Variants in NEK1 observed in about 807,000 individuals in gnomAD.
NEK1 encodes NIMA related kinase 1.
In NEK1, 137 loss-of-function variants were observed where a neutral mutation model predicts 182.1. The ratio of observed to expected loss-of-function variants is 0.75; its 90% CI spans 0.65 to 0.87. NEK1 has a LOEUF of 0.87. NEK1 is among the 40% of genes least tolerant of loss of function. The probability of loss-of-function intolerance (pLI) is 0.00; values close to 1 mark genes in which losing one functional copy is unlikely to be tolerated. For missense variants in NEK1, 1,391 were observed against 1,494.4 expected, an observed-to-expected ratio of 0.93 and a Z score of 1.14; for synonymous variants, 513 against 492.2, an observed-to-expected ratio of 1.04 and a Z score of -0.56.
At chr4:169,525,856 T>A (rs1458844449) in intron 19 of NEK1, among the ~76,000 whole-genome samples, 1 of 152,198 alleles carries the variant, frequency 6.6e-6, no homozygotes, top group Non-Finnish European at 1.5e-5. Context: ...AAAAGCATAA[T>A]CTTGAGAGTC....
chr4:169,495,304 C>T (rs1228410974), intron 23 of NEK1, among the ~76,000 whole-genome samples: 4 of 138,362 alleles, frequency 2.9e-5, no homozygotes, highest in African/African-American at 1.1e-4. Flanking sequence ...AGTGCAGTGG[C>T]GCGATCTCGA....
chr4:169,597,047 A>AAATATCAATGTGCTTTATAAGGG, intron 5 of NEK1, among the ~76,000 whole-genome samples: 1 of 152,216 alleles, frequency 6.6e-6, no homozygotes, highest in African/African-American at 2.4e-5. Flanking sequence ...CAAATCTATA[A>AAATATCAATGTGCTTTATAAGGG]AATATCAATG....
rs141418441 is a variant in NEK1 at position 169,475,980 on chromosome 4, C to T, written c.2434+1144G>A. 9.9e-5 allele frequency among the ~76,000 whole-genome samples: 15 copies of T among 152,110 alleles called. 1 individual carries two copies. In the East Asian group the frequency reaches 2.5e-3, roughly 25 times the overall value. On this transcript the variant is annotated intron_variant, in intron 26 of 35. Coordinates refer to ENST00000507142, the MANE Select transcript of NEK1 (RefSeq NM_001199397.3). ...ATGAGACAGAAAGTAAAACTGGAGTCCCTAAAGGACAGAAGAAGGAGGAGG... is the reference window on the plus strand; with the variant it reads ...ATGAGACAGAAAGTAAAACTGGAGTTCCTAAAGGACAGAAGAAGGAGGAGG...
chr4:169,572,022 G>A (rs747315862), intron 12 of NEK1, among the ~76,000 whole-genome samples: 4 of 151,798 alleles, frequency 2.6e-5, no homozygotes, highest in Non-Finnish European at 5.9e-5. Flanking sequence ...GGGATTACAG[G>A]CAGGAGCCAC....
At chr4:169,558,120 T>C (rs1762407430) in intron 16 of NEK1, among the ~76,000 whole-genome samples, 1 of 152,196 alleles carries the variant, frequency 6.6e-6, no homozygotes, top group Non-Finnish European at 1.5e-5. Context: ...TCATATTTCC[T>C]ATGAAACTGG....
At chr4:169,540,509 G>A (rs916641572) in intron 18 of NEK1, among the ~76,000 whole-genome samples, 2 of 152,074 alleles carry the variant, frequency 1.3e-5, no homozygotes, top group Non-Finnish European at 2.9e-5. Context: ...TATAAAGTAC[G>A]CTTGTGCTGG....
At chr4:169,505,915 T>C (rs1410497586) in intron 23 of NEK1, among the ~76,000 whole-genome samples, 2 of 151,968 alleles carry the variant, frequency 1.3e-5, no homozygotes, top group East Asian at 1.9e-4. Context: ...TTATAAGAAA[T>C]ACAACAGATA....
At chr4:169,548,401 G>A (rs896517781) in intron 18 of NEK1, among the ~76,000 whole-genome samples, 9 of 152,142 alleles carry the variant, frequency 5.9e-5, no homozygotes, top group Admixed American at 2.6e-4. Context: ...GGAGTCTGTC[G>A]GCCCCTACTG....
At chr4:169,490,771 T>G (rs902293203) in intron 23 of NEK1, among the ~76,000 whole-genome samples, 1 of 151,306 alleles carries the variant, frequency 6.6e-6, no homozygotes, top group Non-Finnish European at 1.5e-5. Flanking sequence ...GTTGCCCAGA[T>G]AGAGAAAAAG....
chr4:169,527,047 A>G (rs1171267878), intron 19 of NEK1, among the ~76,000 whole-genome samples: 2 of 152,198 alleles, frequency 1.3e-5, no homozygotes, highest in Non-Finnish European at 2.9e-5. Flanking sequence ...AAAGACAAAG[A>G]AAAAATACTG....
Position 169,557,322 on chromosome 4 carries a change from A to T in NEK1, c.1267-1227T>A, listed in dbSNP as rs77971156. Among the ~76,000 whole-genome samples the T allele has an allele frequency of 9.1e-3, 1,388 of 152,314 alleles. 25 individuals carry two copies. The highest frequency in any genetic ancestry group is 0.031 in the African/African-American group (1,306 of 41,556). ...CACCGAGACATAAGAACTCAACCAC[A>T]TGGAAAACTCATAGTAAAAAATAGA... On this transcript the variant is annotated intron_variant, in intron 16 of 35. Coordinates refer to ENST00000507142, the MANE Select transcript of NEK1 (RefSeq NM_001199397.3).
Position 169,426,207 on chromosome 4 carries a change from T to C in NEK1, c.2913A>G (p.Glu971=), listed in dbSNP as rs199831010. 4 of 1,613,656 alleles carry C rather than the reference T, an allele frequency of 2.5e-6. No homozygotes were observed. Among genetic ancestry groups the C allele is most frequent in the Non-Finnish European group, 3.4e-6 (4 of 1,179,766 alleles). The change falls in exon 30 of 36, where the codon GAA becomes GAG. Residue 971 remains glutamate, a synonymous_variant. Transcript: ENST00000507142. The part of the protein sequence containing the change: ...TQSADRITIQ[E]NEVSEDGVSS... Reference sequence around the variant, plus strand: ...AGACTCCATCTTCAGAAACTTCATTTTCCTGAATGGTGATCCTATCTGCCG... The same window carrying C: ...AGACTCCATCTTCAGAAACTTCATTCTCCTGAATGGTGATCCTATCTGCCG...
Position 169,508,247 on chromosome 4 carries a change from C to A in NEK1, c.1833+1G>T, listed in dbSNP as rs1296322530. The A allele has an allele frequency of 6.3e-7, 1 of 1,584,386 alleles. No homozygotes were observed. Among genetic ancestry groups the A allele is most frequent in the Non-Finnish European group, 8.6e-7 (1 of 1,166,996 alleles). On this transcript the variant is annotated splice_donor_variant, in intron 21 of 35. Transcript: ENST00000507142. LOFTEE classifies it high-confidence loss of function. ...TTCAAAAAAATAGCTTTTCAACCTA[C>A]CTTTTCACCACGAAGTTTGGCTTTA...
intron 23 of NEK1, among the ~76,000 whole-genome samples, chr4:169,491,162 A>AAG (rs1554047306): frequency 2.8e-4 from 34 of 122,908 alleles, no homozygotes; most frequent in African/African-American, 1.1e-3. Context: ...AAAAAAAAAA[A>AAG]AGAGAGATGG....
intron 19 of NEK1, among the ~76,000 whole-genome samples, chr4:169,536,468 C>T (rs1200433026): frequency 7.9e-6 from 1 of 126,434 alleles, no homozygotes; most frequent in African/African-American, 3.4e-5. Flanking sequence ...AAAGTTTCAA[C>T]TATAATACAA....
chr4:169,512,657 G>C (rs1754381077), intron 19 of NEK1, among the ~76,000 whole-genome samples: 1 of 151,694 alleles, frequency 6.6e-6, no homozygotes, highest in Non-Finnish European at 1.5e-5. Context: ...TTATACTCTT[G>C]GTGTCAAGTC....
chr4:169,508,664 C>CA (rs1203819728), intron 20 of NEK1, 105 bp downstream of exon 20: 1 of 907,298 alleles, frequency 1.1e-6, no homozygotes, highest in African/African-American at 1.7e-5. Context: ...TACAGACCTA[C>CA]AAAATCTTCA....
chr4:169,532,900 A>G (rs1463153808), intron 19 of NEK1, among the ~76,000 whole-genome samples: 1 of 151,846 alleles, frequency 6.6e-6, no homozygotes, highest in Non-Finnish European at 1.5e-5. Context: ...CCAGTCAGGG[A>G]GTGAGTGAGT....
At chr4:169,524,388 G>A (rs1288754303) in intron 19 of NEK1, among the ~76,000 whole-genome samples, 1 of 150,464 alleles carries the variant, frequency 6.6e-6, no homozygotes, top group Non-Finnish European at 1.5e-5. Context: ...TTGAACCCAG[G>A]AGGCGGAGGT....
Sources: gnomAD v4.1 joint callset for allele counts (sites outside exome capture counted in the v4.1 genomes callset) on GRCh38, gnomAD v4.1.1 for gene constraint, MANE v1.5 for transcripts, NCBI Gene and HGNC (gene_info 2026-07-23, HGNC 2026-07-21) for gene names.